The following CASK variants were observed in gnomAD, a reference collection of about 807,000 sequenced individuals.
CASK encodes peripheral plasma membrane protein CASK.
CASK carries 4 observed loss-of-function variants against 82.9 expected under a neutral mutation model. The observed-to-expected ratio is 0.05, with a 90% CI of 0.02 to 0.11. The LOEUF (loss-of-function observed/expected upper bound fraction) is 0.11, where lower values mean the gene tolerates loss of function less well. CASK is among the 10% of genes least tolerant of loss of function. The pLI, the probability that CASK is intolerant of heterozygous loss-of-function variation, is 1.00. For missense variants in CASK, 358 were observed against 720.9 expected, an observed-to-expected ratio of 0.50 and a Z score of 5.76; for synonymous variants, 259 against 253.5, an observed-to-expected ratio of 1.02 and a Z score of -0.20.
chrX:41,536,494 T>C (rs2064876156), intron 22 of CASK, among the ~76,000 whole-genome samples: 1 of 111,651 alleles, frequency 9.0e-6, no homozygotes, highest in Non-Finnish European at 1.9e-5. Flanking sequence ...GAATATCACC[T>C]TAGTTCTTAA....
rs2067563781 is a variant in CASK at position 41,691,667 on chromosome X, G to A, written c.430-20137C>T. The stretch of plus-strand genomic sequence containing the variant: ...AGGTCAGGAGTTCAAGACCAGCCTG[G>A]CCAACATAGTGAAACTCCGTCTCTA... On this transcript the variant is annotated intron_variant, in intron 5 of 26. Transcript: ENST00000378163. 2.8e-5 allele frequency among the ~76,000 whole-genome samples: 3 copies of A among 108,052 alleles called. No individual in the cohort carries two copies. The Admixed American group carries it at 3.0e-4, about 11-fold the overall frequency. 93.8% of individuals were successfully genotyped at this position (108,052 alleles called of 115,157 possible). A position where few individuals can be genotyped will look rare whatever the true frequency, so the allele number is the denominator to read the frequency against.
intron 5 of CASK, chrX:41,696,032 G>C: frequency 8.3e-7 from 1 of 1,210,087 alleles, no homozygotes; most frequent in Non-Finnish European, 1.1e-6. Context: ...TGGGAACACT[G>C]TTTTATATGA....
At chrX:41,576,525 A>C (rs1167623084) in intron 15 of CASK, among the ~76,000 whole-genome samples, 1 of 111,720 alleles carries the variant, frequency 9.0e-6, no homozygotes, top group African/African-American at 3.3e-5. Context: ...TTACTTGTTT[A>C]ATGTAGCCAG....
At chrX:41,720,768 G>C (rs980698896) in intron 5 of CASK, among the ~76,000 whole-genome samples, 11 of 111,278 alleles carry the variant, frequency 9.9e-5, no homozygotes, top group Middle Eastern at 4.6e-3. Flanking sequence ...TGTGAGTCAG[G>C]AAAGCTCTCA....
At chrX:41,780,581 C>A (rs2069454084) in intron 3 of CASK, among the ~76,000 whole-genome samples, 1 of 111,687 alleles carries the variant, frequency 9.0e-6, no homozygotes, top group Non-Finnish European at 1.9e-5. Context: ...TTTTGTGAGT[C>A]TCTGTTTTTA....
At chrX:41,871,213 T>C (rs2148008340) in intron 1 of CASK, among the ~76,000 whole-genome samples, 1 of 112,300 alleles carries the variant, frequency 8.9e-6, no homozygotes, top group East Asian at 2.8e-4. Flanking sequence ...TCTCATAATC[T>C]GAATCTCTTT....
rs2147049710 is a variant in CASK at position 41,517,069 on chromosome X, A to G, written c.*3351T>C. The G allele has an allele frequency of 8.9e-6, 1 of 112,858 alleles. No individual in the cohort carries two copies. The highest frequency in any genetic ancestry group is 3.6e-4 in the South Asian group (1 of 2,756). 9.3% of individuals were successfully genotyped at this position (112,858 alleles called of 1,213,427 possible). ...AAGAACTCTGCAGCGATCAGATCAA[A>G]GGCTGTAAAAAGGTAACAGTAGCTG... On this transcript the variant is annotated 3_prime_UTR_variant, in exon 27 of 27. Coordinates refer to ENST00000378163, the MANE Select transcript of CASK (RefSeq NM_001367721.1).
chrX:41,721,466 T>C (rs2068165538), intron 5 of CASK, among the ~76,000 whole-genome samples: 1 of 111,480 alleles, frequency 9.0e-6, no homozygotes, highest in South Asian at 3.8e-4. Flanking sequence ...GGACTTGATT[T>C]CTTCCATGGT....
At chrX:41,828,564 T>A (rs11797844) in intron 2 of CASK, among the ~76,000 whole-genome samples, 19,073 of 111,290 alleles carry the variant, frequency 0.17, 1,468 homozygotes, top group Middle Eastern at 0.3. Context: ...AAATGGGTAA[T>A]TTGGCAATCA....
At chrX:41,602,739 T>C (rs368013695) in intron 12 of CASK, among the ~76,000 whole-genome samples, 5 of 103,987 alleles carry the variant, frequency 4.8e-5, no homozygotes, top group Admixed American at 4.2e-4. Context: ...TTTTTTTTGC[T>C]AAGTTTATTG....
At chrX:41,688,825 T>C (rs2067489479) in intron 5 of CASK, 1 of 109,385 alleles carries the variant, frequency 9.1e-6, no homozygotes, top group Admixed American at 9.8e-5. Context: ...TCAGTGTTGG[T>C]TGAGCTTAAA....
intron 5 of CASK, among the ~76,000 whole-genome samples, chrX:41,678,847 C>A (rs1228155038): frequency 9.0e-6 from 1 of 110,650 alleles, no homozygotes; most frequent in African/African-American, 3.3e-5. Context: ...ATCCTTCTAT[C>A]CATCTTACTT....
chrX:41,741,146 G>T (rs1442908449), intron 4 of CASK, among the ~76,000 whole-genome samples: 1 of 111,246 alleles, frequency 9.0e-6, no homozygotes, highest in Admixed American at 9.6e-5. Context: ...GCCTCCCAAA[G>T]TGCTGGGATT....
intron 5 of CASK, among the ~76,000 whole-genome samples, chrX:41,694,596 T>G (rs1394446967): frequency 8.9e-6 from 1 of 112,206 alleles, no homozygotes; most frequent in Non-Finnish European, 1.9e-5. Context: ...TCAGGTTACT[T>G]TCAAAATCTT....
chrX:41,624,763 C>G (rs759882591), intron 10 of CASK, among the ~76,000 whole-genome samples: 154 of 111,579 alleles, frequency 1.4e-3, no homozygotes, highest in Non-Finnish European at 2.2e-3. Flanking sequence ...AGCATAAATA[C>G]TGACAGATGC....
In CASK at chrX:41,518,611, T is replaced by C. The variant is rs41310603; in HGVS notation, c.*1809A>G. Reference sequence around the variant, plus strand: ...AGGCGGTGGGGGGCGGAGGCGGGTATGGTGTTGACAATGTAAAAGAAGTAT... The same window carrying C: ...AGGCGGTGGGGGGCGGAGGCGGGTACGGTGTTGACAATGTAAAAGAAGTAT... On this transcript the variant is annotated 3_prime_UTR_variant, in exon 27 of 27. Transcript: ENST00000378163. 14,170 of 109,124 alleles carry C rather than the reference T, an allele frequency of 0.13. 750 individuals are homozygous for C. The highest frequency in any genetic ancestry group is 0.16 in the Middle Eastern group (34 of 209). 9.0% of individuals were successfully genotyped at this position (109,124 alleles called of 1,213,427 possible).
intron 2 of CASK, among the ~76,000 whole-genome samples, chrX:41,826,674 T>C (rs2070673943): frequency 9.0e-6 from 1 of 111,256 alleles, no homozygotes; most frequent in South Asian, 3.8e-4. Flanking sequence ...GGCTTCACCA[T>C]GTTGGTTGGC....
At chrX:41,767,802 T>C (rs1001336183) in intron 3 of CASK, among the ~76,000 whole-genome samples, 2 of 111,365 alleles carry the variant, frequency 1.8e-5, no homozygotes, top group East Asian at 5.6e-4. Context: ...TCACATCATA[T>C]CAAGGAGCGG....
At chrX:41,734,330 AAG>A (rs1272690083) in intron 5 of CASK, among the ~76,000 whole-genome samples, 8 of 111,944 alleles carry the variant, frequency 7.1e-5, no homozygotes, top group Non-Finnish European at 9.4e-5. Flanking sequence ...GGCTGCCTGC[AAG>A]AGTTAGGAGA....
Sources: gnomAD v4.1 joint callset for allele counts (sites outside exome capture counted in the v4.1 genomes callset) on GRCh38, gnomAD v4.1.1 for gene constraint, MANE v1.5 for transcripts, NCBI Gene and HGNC (gene_info 2026-07-23, HGNC 2026-07-21) for gene names.